Variants in PPM1L observed in about 807,000 individuals in gnomAD.
PPM1L encodes protein phosphatase 1L.
In PPM1L, 13 loss-of-function variants were observed where a neutral mutation model predicts 31.4. The observed-to-expected ratio is 0.41, with a 90% CI of 0.27 to 0.66. PPM1L has a LOEUF of 0.66. Ranked by LOEUF, PPM1L falls within the 30% of genes least tolerant of loss-of-function variation. The pLI, the probability that PPM1L is intolerant of heterozygous loss-of-function variation, is 0.29. For synonymous variants in PPM1L, 184 were observed against 175.4 expected, an observed-to-expected ratio of 1.05 and a Z score of -0.39; for missense variants, 326 against 453.7, an observed-to-expected ratio of 0.72 and a Z score of 2.56.
At position 161,076,194 on chromosome 3, in the gene PPM1L, C is replaced by T. The variant is rs1206068763; in HGVS notation, c.*7037C>T. 6.6e-6 allele frequency: 1 copy of T among 152,132 alleles called. No homozygotes were observed. The highest frequency in any genetic ancestry group is 6.5e-5 in the Admixed American group (1 of 15,280). The allele number at this position is 152,132 out of a possible 1,614,324, so 9.4% of individuals were successfully genotyped here. ...CCTGTAGAAATGATGTATTAGACAT[C>T]TCTAACCCAAGAAAAAGATGTCTTT... On this transcript the variant is annotated 3_prime_UTR_variant, in exon 4 of 4. Transcript: ENST00000498165.
At chr3:160,965,667 G>A (rs1015640144) in intron 2 of PPM1L, among the ~76,000 whole-genome samples, 4 of 151,964 alleles carry the variant, frequency 2.6e-5, no homozygotes, top group African/African-American at 9.7e-5. Context: ...ATTCTAAGTC[G>A]AGGAGCATCT....
At chr3:160,828,060 A>AC (rs1223925644) in intron 1 of PPM1L, among the ~76,000 whole-genome samples, 1 of 151,688 alleles carries the variant, frequency 6.6e-6, no homozygotes, top group African/African-American at 2.4e-5. Context: ...TGAGGGATCC[A>AC]CCCTCATGAC....
At chr3:160,843,653 T>TCC (rs1217474654) in intron 1 of PPM1L, among the ~76,000 whole-genome samples, 1 of 151,412 alleles carries the variant, frequency 6.6e-6, no homozygotes. Context: ...TGTGTGATGT[T>TCC]CCCCTTCCTG....
At chr3:160,922,752 G>T (rs1379738865) in intron 1 of PPM1L, among the ~76,000 whole-genome samples, 1 of 152,176 alleles carries the variant, frequency 6.6e-6, no homozygotes, top group East Asian at 1.9e-4. Context: ...TTTGGTACTT[G>T]CAGATAAGCA....
intron 2 of PPM1L, among the ~76,000 whole-genome samples, chr3:161,024,347 G>T (rs1718320980): frequency 6.6e-6 from 1 of 151,696 alleles, no homozygotes; most frequent in Non-Finnish European, 1.5e-5. Context: ...GCCACTGATT[G>T]CTTTTAACCA....
At chr3:160,967,008 T>C (rs1716171091) in intron 2 of PPM1L, among the ~76,000 whole-genome samples, 1 of 152,118 alleles carries the variant, frequency 6.6e-6, no homozygotes, top group African/African-American at 2.4e-5. Flanking sequence ...TCTTGAATTG[T>C]AGCTCCCATA....
chr3:160,910,542 C>T (rs1713936326), intron 1 of PPM1L, among the ~76,000 whole-genome samples: 1 of 152,100 alleles, frequency 6.6e-6, no homozygotes, highest in Non-Finnish European at 1.5e-5. Context: ...AACTTCTGGC[C>T]TCAAGTGATC....
chr3:160,757,355 C>T (rs1323805643), intron 1 of PPM1L, among the ~76,000 whole-genome samples: 5 of 152,262 alleles, frequency 3.3e-5, no homozygotes, highest in African/African-American at 1.2e-4. Context: ...CCTAGATGTC[C>T]CTGGCCTTTG....
At chr3:160,917,480 G>A (rs1382089929) in intron 1 of PPM1L, among the ~76,000 whole-genome samples, 2 of 152,112 alleles carry the variant, frequency 1.3e-5, no homozygotes, top group South Asian at 2.1e-4. Context: ...ATCTCTGGAT[G>A]ACTAAAATAG....
At chr3:160,796,202 G>A (rs534915482) in intron 1 of PPM1L, among the ~76,000 whole-genome samples, 4 of 152,310 alleles carry the variant, frequency 2.6e-5, no homozygotes, top group South Asian at 4.1e-4. Context: ...TAAAGCAAAG[G>A]AAAGCATGCG....
At chr3:161,064,678 A>G (rs916492123) in intron 2 of PPM1L, among the ~76,000 whole-genome samples, 1 of 152,136 alleles carries the variant, frequency 6.6e-6, no homozygotes, top group African/African-American at 2.4e-5. Context: ...ATCCATTCCC[A>G]TGTCAAAAAG....
intron 1 of PPM1L, among the ~76,000 whole-genome samples, chr3:160,893,585 C>T (rs1233627822): frequency 5.9e-5 from 9 of 152,180 alleles, no homozygotes; most frequent in Non-Finnish European, 1.2e-4. Flanking sequence ...TTATCCTGTA[C>T]CCCTGATGCC....
At chr3:161,053,918 C>T (rs1719343643) in intron 2 of PPM1L, among the ~76,000 whole-genome samples, 2 of 152,142 alleles carry the variant, frequency 1.3e-5, no homozygotes, top group African/African-American at 2.4e-5. Flanking sequence ...TTTGCTTATG[C>T]AAAAATATCA....
At chr3:161,061,774 A>G (rs7429731) in intron 2 of PPM1L, among the ~76,000 whole-genome samples, 2 of 152,000 alleles carry the variant, frequency 1.3e-5, no homozygotes, top group Non-Finnish European at 2.9e-5. Flanking sequence ...AGAACCAATC[A>G]CCAGCAGATC....
intron 1 of PPM1L, among the ~76,000 whole-genome samples, chr3:160,898,772 A>T (rs1576698993): frequency 6.6e-6 from 1 of 152,210 alleles, no homozygotes; most frequent in East Asian, 1.9e-4. Flanking sequence ...GCCACTTATG[A>T]ACACTTAATG....
intron 1 of PPM1L, among the ~76,000 whole-genome samples, chr3:160,882,521 G>A (rs71314024): frequency 4.3e-4 from 66 of 152,216 alleles, no homozygotes; most frequent in South Asian, 3.9e-3. Flanking sequence ...AAAAGATATT[G>A]GATTAGTTTC....
intron 2 of PPM1L, among the ~76,000 whole-genome samples, chr3:161,063,874 G>A (rs943100705): frequency 6.6e-6 from 1 of 152,144 alleles, no homozygotes; most frequent in Admixed American, 6.5e-5. Context: ...TTGCAGGGAC[G>A]TGGATGAAGC....
At chr3:160,934,403 CT>C (rs1714889817) in intron 1 of PPM1L, among the ~76,000 whole-genome samples, 1 of 152,112 alleles carries the variant, frequency 6.6e-6, no homozygotes, top group Admixed American at 6.5e-5. Flanking sequence ...TTGTTTTTTT[CT>C]CTTCCCTTCT....
At chr3:160,903,187 GTGTGTGGTATGTGTGTATGTT>G (rs1713609211) in intron 1 of PPM1L, among the ~76,000 whole-genome samples, 1 of 140,088 alleles carries the variant, frequency 7.1e-6, no homozygotes, top group African/African-American at 2.9e-5. Flanking sequence ...GTGTGTGTGT[GTGTGTGGTATGTGTGTATGTT>G]TGTGTGTGTG....
Sources: allele counts gnomAD v4.1 joint callset (sites outside exome capture counted in the v4.1 genomes callset), GRCh38; gene constraint gnomAD v4.1.1; transcripts MANE v1.5; gene names NCBI Gene and HGNC (gene_info 2026-07-23, HGNC 2026-07-21).